Variants in WDFY2 observed in about 807,000 individuals in gnomAD.
WDFY2 encodes the protein WD repeat and FYVE domain containing 2.
Under a neutral mutation model 56.4 loss-of-function variants are expected in WDFY2, and 36 were observed. The observed-to-expected ratio is 0.64, with a 90% CI of 0.49 to 0.84. WDFY2 has a LOEUF of 0.84. WDFY2 is among the 40% of genes least tolerant of loss of function. The pLI is 0.00. For synonymous variants in WDFY2, 176 were observed against 183.7 expected, an observed-to-expected ratio of 0.96 and a Z score of 0.34; for missense variants, 444 against 512.2, an observed-to-expected ratio of 0.87 and a Z score of 1.29.
intron 1 of WDFY2, among the ~76,000 whole-genome samples, chr13:51,593,730 T>A (rs1954093580): frequency 6.6e-6 from 1 of 152,178 alleles, no homozygotes. Context: ...ATTTCTCCAT[T>A]GAAGTCTCTT....
chr13:51,611,487 C>G (rs1438563959), intron 1 of WDFY2, among the ~76,000 whole-genome samples: 2 of 152,196 alleles, frequency 1.3e-5, no homozygotes, highest in Non-Finnish European at 2.9e-5. Context: ...TATATTGGAT[C>G]TATAAAGCAT....
intron 4 of WDFY2, among the ~76,000 whole-genome samples, chr13:51,708,094 C>T (rs371028131): frequency 4.6e-5 from 7 of 150,942 alleles, no homozygotes; most frequent in African/African-American, 7.3e-5. Context: ...TACAGGCACC[C>T]GCCACCACAC....
rs540588216 is a variant in WDFY2 at position 51,690,743 on chromosome 13, C to T, written c.280-12853C>T. ...GGATGGCTGGGTCAAATGGTATTTC[C>T]AGTTCTAGATCCCTGAGGAATCGCC... On this transcript the variant is annotated intron_variant, in intron 3 of 11. Coordinates refer to ENST00000298125, the MANE Select transcript of WDFY2 (RefSeq NM_052950.4). Among the ~76,000 whole-genome samples, 202 of 152,158 alleles carry T rather than the reference C, an allele frequency of 1.3e-3. 1 individual carries two copies. Among genetic ancestry groups the T allele is most frequent in the African/African-American group, 4.7e-3 (196 of 41,502 alleles).
intron 1 of WDFY2, chr13:51,590,794 A>T (rs1268882787): frequency 6.6e-6 from 1 of 151,918 alleles, no homozygotes; most frequent in Non-Finnish European, 1.5e-5. Flanking sequence ...CCCCTTGTGC[A>T]ACTTCAGCAA....
intron 11 of WDFY2, 111 bp downstream of exon 11, chr13:51,758,411 C>A (rs577168405): frequency 9.0e-6 from 6 of 663,800 alleles, no homozygotes; most frequent in Non-Finnish European, 1.5e-5. Context: ...GGTAGCCGGC[C>A]ATGGTGGCAT....
chr13:51,749,751 T>C (rs1359051361), intron 7 of WDFY2, among the ~76,000 whole-genome samples: 1 of 151,742 alleles, frequency 6.6e-6, no homozygotes, highest in Non-Finnish European at 1.5e-5. Context: ...CTAACTTACT[T>C]AGAAATTATC....
intron 3 of WDFY2, among the ~76,000 whole-genome samples, chr13:51,691,047 G>A (rs1956145224): frequency 6.6e-6 from 1 of 152,118 alleles, no homozygotes; most frequent in Admixed American, 6.5e-5. Flanking sequence ...GAGGTTGGTT[G>A]TTTTTTTGTT....
At position 51,753,748 on chromosome 13, in the gene WDFY2, G is replaced by GGT. The variant is rs553968555; in HGVS notation, c.832-1595_832-1594dup. Among the ~76,000 whole-genome samples the GGT allele has an allele frequency of 7.1e-4, 108 of 151,152 alleles. 1 individual carries two copies. The highest frequency in any genetic ancestry group is 4.4e-3 in the South Asian group (21 of 4,766). ...TGAACACGCATGCTTCCTTATAAAA[G>GGT]GTGTGTGTGTGTGTGTATGTGTGTC... On this transcript the variant is annotated intron_variant, in intron 8 of 11. Coordinates refer to ENST00000298125, the MANE Select transcript of WDFY2 (RefSeq NM_052950.4).
chr13:51,588,662 A>G (rs1233945500), intron 1 of WDFY2: 1 of 152,150 alleles, frequency 6.6e-6, no homozygotes, highest in Non-Finnish European at 1.5e-5. Context: ...AGGGCATTTT[A>G]GATAGAGGAG....
intron 3 of WDFY2, among the ~76,000 whole-genome samples, chr13:51,693,017 A>AT (rs1951778937): frequency 6.6e-6 from 1 of 152,046 alleles, no homozygotes; most frequent in Non-Finnish European, 1.5e-5. Flanking sequence ...GGTAGTTTGT[A>AT]TTTCTGTGGG....
At chr13:51,630,405 A>T (rs1314592465) in intron 1 of WDFY2, among the ~76,000 whole-genome samples, 1 of 151,218 alleles carries the variant, frequency 6.6e-6, no homozygotes, top group Non-Finnish European at 1.5e-5. Flanking sequence ...ATAAGACTTT[A>T]AAAAATTATT....
At chr13:51,652,739 C>T (rs1203017677) in intron 1 of WDFY2, among the ~76,000 whole-genome samples, 2 of 152,238 alleles carry the variant, frequency 1.3e-5, no homozygotes, top group African/African-American at 4.8e-5. Context: ...GGCCCCCACT[C>T]TCTTCTGGCT....
intron 2 of WDFY2, among the ~76,000 whole-genome samples, chr13:51,661,899 G>T (rs920534899): frequency 2.6e-5 from 4 of 152,142 alleles, no homozygotes; most frequent in African/African-American, 9.7e-5. Flanking sequence ...AGCCATGGCG[G>T]TGATGAGGGT....
chr13:51,712,538 A>C (rs1952245863), intron 4 of WDFY2, among the ~76,000 whole-genome samples: 1 of 152,194 alleles, frequency 6.6e-6, no homozygotes, highest in Non-Finnish European at 1.5e-5. Flanking sequence ...TCTATATTAG[A>C]AAACAAGAAG....
At chr13:51,668,612 T>C (rs1248053623) in intron 2 of WDFY2, among the ~76,000 whole-genome samples, 1 of 152,218 alleles carries the variant, frequency 6.6e-6, no homozygotes, top group East Asian at 1.9e-4. Context: ...AATTTTTGCT[T>C]TGTCGGGCTG....
At chr13:51,702,319 A>G (rs1289854512) in intron 3 of WDFY2, among the ~76,000 whole-genome samples, 2 of 152,106 alleles carry the variant, frequency 1.3e-5, no homozygotes, top group Admixed American at 1.3e-4. Context: ...AAAAAAAAAA[A>G]AGAAAAAAAA....
intron 1 of WDFY2, chr13:51,587,383 A>C (rs964423384): frequency 6.6e-6 from 1 of 152,224 alleles, no homozygotes; most frequent in Non-Finnish European, 1.5e-5. Context: ...TACGTCCTCA[A>C]TACACGTTTG....
intron 1 of WDFY2, among the ~76,000 whole-genome samples, chr13:51,597,915 A>T (rs1954182926): frequency 6.6e-6 from 1 of 152,218 alleles, no homozygotes; most frequent in Admixed American, 6.5e-5. Context: ...TCAGAAGGCT[A>T]TGATGAGTGA....
intron 7 of WDFY2, among the ~76,000 whole-genome samples, chr13:51,744,214 A>G (rs1213545611): frequency 6.6e-6 from 1 of 152,206 alleles, no homozygotes; most frequent in Non-Finnish European, 1.5e-5. Context: ...GTAGAAGCAT[A>G]ATTAATTAGA....
Sources: allele counts gnomAD v4.1 joint callset (sites outside exome capture counted in the v4.1 genomes callset), GRCh38; gene constraint gnomAD v4.1.1; transcripts MANE v1.5; gene names NCBI Gene and HGNC (gene_info 2026-07-23, HGNC 2026-07-21).